Variants in WDFY3 observed in about 807,000 individuals in gnomAD.
WDFY3 encodes the protein WD repeat and FYVE domain-containing protein 3.
Under a neutral mutation model 409.6 loss-of-function variants are expected in WDFY3, and 66 were observed. That is an observed-to-expected ratio of 0.16 (90% CI 0.13 to 0.20). WDFY3 has a LOEUF of 0.20. WDFY3 is among the 10% of genes least tolerant of loss of function. The probability of loss-of-function intolerance (pLI) is 1.00; values close to 1 mark genes in which losing one functional copy is unlikely to be tolerated. For synonymous variants in WDFY3, 1,521 were observed against 1,537.1 expected, an observed-to-expected ratio of 0.99 and a Z score of 0.25; for missense variants, 3,031 against 4,298.1, an observed-to-expected ratio of 0.71 and a Z score of 8.24.
At chr4:84,952,270 G>A (rs1401653655) in intron 1 of WDFY3, among the ~76,000 whole-genome samples, 1 of 152,096 alleles carries the variant, frequency 6.6e-6, no homozygotes, top group African/African-American at 2.4e-5. Context: ...ATTTACTCTG[G>A]TGACTCAGAT....
chr4:84,816,755 G>A (rs1414142515), intron 13 of WDFY3, among the ~76,000 whole-genome samples: 1 of 152,042 alleles, frequency 6.6e-6, no homozygotes, highest in Non-Finnish European at 1.5e-5. Context: ...GGGAGAATGT[G>A]AGTGTATAAA....
At position 84,837,436 on chromosome 4, in the gene WDFY3, C is replaced by T. The variant is rs141209703; in HGVS notation, c.415-346G>A. On this transcript the variant is annotated intron_variant, in intron 6 of 67. Coordinates refer to ENST00000295888, the MANE Select transcript of WDFY3 (RefSeq NM_014991.6). ...ACTTAATTCTCCTGAGATTCACTTGCCTTTCTTATAAAAATAGATAGAATG... is the reference window on the plus strand; with the variant it reads ...ACTTAATTCTCCTGAGATTCACTTGTCTTTCTTATAAAAATAGATAGAATG... Among the ~76,000 whole-genome samples the T allele has an allele frequency of 4.7e-3, 722 of 152,178 alleles. 5 individuals are homozygous for T. Among genetic ancestry groups the T allele is most frequent in the African/African-American group, 0.016 (669 of 41,534 alleles).
chr4:84,724,440 A>G lies in WDFY3; in HGVS notation c.7427T>C (p.Ile2476Thr). 1 of 1,610,848 alleles carries G rather than the reference A, an allele frequency of 6.2e-7. No individual in the cohort carries two copies. Among genetic ancestry groups the G allele is most frequent in the Non-Finnish European group, 8.5e-7 (1 of 1,178,790 alleles). Residue 2476 changes from isoleucine to threonine, a missense_variant, in exon 46 of 68, where the codon ATT becomes ACT. By Grantham distance (89) the Ile-to-Thr change is moderately conservative. Transcript: ENST00000295888. ...GGCAGGCTGACCTTTGACTTTAGCA[A>G]TAGTGTCTTCCCCATGCTCTGGTTC... ...QQEPEHGEDTIAKVKGLVKPP... is the reference protein window; with the variant it reads ...QQEPEHGEDTTAKVKGLVKPP...
rs1238233765 is a variant in WDFY3, at chr4:84,778,746, CACAT to C, written c.4366-95_4366-92del. 7 of 1,252,798 alleles carry C rather than the reference CACAT, an allele frequency of 5.6e-6. No individual in the cohort carries two copies. In the East Asian group the frequency reaches 7.4e-5, roughly 13 times the overall value. The allele number at this position is 1,252,798 out of a possible 1,614,324, so 77.6% of individuals were successfully genotyped here. ...ACACACACATACACACACAAACACA[CACAT>C]ACACACACAAACACACACATACACA... is the stretch of plus-strand genomic sequence containing the variant. On this transcript the variant is annotated intron_variant, in intron 26 of 67. Transcript: ENST00000295888.
At chr4:84,692,181 G>A (rs972319659) in intron 59 of WDFY3, among the ~76,000 whole-genome samples, 1 of 152,166 alleles carries the variant, frequency 6.6e-6, no homozygotes, top group African/African-American at 2.4e-5. Context: ...CCTCAAGGAA[G>A]GTCATGTCAT....
chr4:84,796,554 A>G lies in WDFY3; in HGVS notation c.3134T>C (p.Phe1045Ser), dbSNP rs1749480801. The change falls in exon 19 of 68, where the codon TTT (phenylalanine) becomes TCT (serine). Residue 1045 changes from phenylalanine (F) to serine (S), a missense_variant. By Grantham distance (155) the Phe-to-Ser change is radical (BLOSUM62 -2). This residue lies in a region of WDFY3 where 1,322 missense variants were observed against 1,697.9 expected (regional missense o/e 0.78). Coordinates refer to ENST00000295888, the MANE Select transcript of WDFY3 (RefSeq NM_014991.6). ...TTCAAGTGATGTGTCAAATTCAACA[A>G]AAGCTGGAGTAACTGATGACCCATG... The part of the protein sequence containing the change: ...RLHGSSVTPA[F>S]VEFDTSLEGF... The G allele has an allele frequency of 2.5e-6, 4 of 1,602,364 alleles. No homozygotes were observed. Among genetic ancestry groups the G allele is most frequent in the Non-Finnish European group, 3.4e-6 (4 of 1,173,634 alleles).
chr4:84,859,678 C>A (rs893414310), intron 4 of WDFY3, among the ~76,000 whole-genome samples: 1 of 152,116 alleles, frequency 6.6e-6, no homozygotes, highest in Non-Finnish European at 1.5e-5. Flanking sequence ...CGGGTTCAAG[C>A]GATTCTCCTG....
At chr4:84,911,645 T>C (rs1767809717) in intron 2 of WDFY3, among the ~76,000 whole-genome samples, 1 of 152,160 alleles carries the variant, frequency 6.6e-6, no homozygotes, top group Non-Finnish European at 1.5e-5. Context: ...TTTGGAGATT[T>C]GTGACAATTT....
chr4:84,917,140 C>T (rs1768611314), intron 2 of WDFY3, among the ~76,000 whole-genome samples: 1 of 152,060 alleles, frequency 6.6e-6, no homozygotes, highest in South Asian at 2.1e-4. Flanking sequence ...GGCGCCAAGC[C>T]CTCTGAATTA....
intron 3 of WDFY3, among the ~76,000 whole-genome samples, chr4:84,862,815 G>A (rs532267274): frequency 2.6e-5 from 4 of 152,028 alleles, no homozygotes; most frequent in African/African-American, 7.2e-5. Flanking sequence ...GTGAAACCCC[G>A]TCTCTACTAA....
At chr4:84,704,563 T>A in intron 54 of WDFY3, 119 bp from the exon 55 acceptor site, 3 of 687,888 alleles carry the variant, frequency 4.4e-6, no homozygotes, top group Non-Finnish European at 7.0e-6. Context: ...TAAATGCAAT[T>A]AGTACTGGCA....
intron 33 of WDFY3, among the ~76,000 whole-genome samples, chr4:84,756,041 T>C (rs1471318983): frequency 6.6e-6 from 1 of 152,188 alleles, no homozygotes; most frequent in Non-Finnish European, 1.5e-5. Flanking sequence ...AGGATGGAAG[T>C]GTAGTTGAGT....
intron 15 of WDFY3, among the ~76,000 whole-genome samples, chr4:84,807,029 G>C (rs1751634104): frequency 6.6e-6 from 1 of 152,086 alleles, no homozygotes; most frequent in South Asian, 2.1e-4. Flanking sequence ...ACTCATTTAT[G>C]ATATAATCAC....
In WDFY3 at chr4:84,821,238, G is replaced by T. The variant is rs1276039775; in HGVS notation, c.1437C>A (p.Ser479Arg). The T allele has an allele frequency of 6.2e-7, 1 of 1,613,672 alleles. No individual in the cohort carries two copies. The highest frequency in any genetic ancestry group is 1.7e-5 in the Admixed American group (1 of 59,876). The change falls in exon 11 of 68, where the codon AGC becomes AGA. Residue 479 changes from serine (S) to arginine (R), a missense_variant. Physicochemically the swap from Ser to Arg is moderately radical, Grantham distance 110. This residue lies in a region of WDFY3 where 1,322 missense variants were observed against 1,697.9 expected (regional missense o/e 0.78). Transcript: ENST00000295888. ...LLKSSSSYHC[S>R]IIAMKTLLKF... ...TAAGAAGTGTTTTCATTGCAATAAT[G>T]CTACAGTGATAAGAAGAGCTAGATT...
chr4:84,836,718 T>G (rs904684806), intron 7 of WDFY3, among the ~76,000 whole-genome samples: 1 of 152,192 alleles, frequency 6.6e-6, no homozygotes, highest in Admixed American at 6.6e-5. Flanking sequence ...GAAACAAACT[T>G]GCTAATGCCT....
In WDFY3 at chr4:84,682,413, C is replaced by G. The variant is rs143301901; in HGVS notation, c.9784G>C (p.Val3262Leu). Residue 3262 changes from valine (V) to leucine (L), a missense_variant, in exon 64 of 68, where the codon GTC becomes CTC. By Grantham distance (32) the Val-to-Leu change is conservative. This residue lies in a region of WDFY3 where 378 missense variants were observed against 477.3 expected (regional missense o/e 0.79). Coordinates refer to ENST00000295888, the MANE Select transcript of WDFY3 (RefSeq NM_014991.6). ...PETPAPEPAE[V>L]LEMQEDCPEA... ...GGACAGTCTTCCTGCATTTCTAGGA[C>G]TTCAGCAGGCTCAGGAGCTGGTGTT... 3 of 1,613,846 alleles carry G rather than the reference C, an allele frequency of 1.9e-6. No individual in the cohort carries two copies. The African/African-American group carries it at 4.0e-5, about 22-fold the overall frequency.
intron 36 of WDFY3, among the ~76,000 whole-genome samples, chr4:84,744,175 A>C (rs2149249074): frequency 6.7e-6 from 1 of 149,814 alleles, no homozygotes; most frequent in African/African-American, 2.4e-5. Context: ...AACAATATAA[A>C]CTACAATAAT....
chr4:84,858,114 G>A (rs945548140), intron 4 of WDFY3, among the ~76,000 whole-genome samples: 1 of 151,704 alleles, frequency 6.6e-6, no homozygotes, highest in African/African-American at 2.4e-5. Context: ...ATAAATTCAC[G>A]TAACAAAAAC....
chr4:84,819,939 G>T, intron 12 of WDFY3, 146 bp downstream of exon 12: 2 of 622,086 alleles, frequency 3.2e-6, no homozygotes, highest in Non-Finnish European at 5.3e-6. Flanking sequence ...CAAAAGCACT[G>T]CATTTTTAGG....
Sources: gnomAD v4.1 joint callset for allele counts (sites outside exome capture counted in the v4.1 genomes callset) on GRCh38, gnomAD v4.1.1 for gene constraint, gnomAD v4.1.1 regional missense constraint, MANE v1.5 for transcripts, NCBI Gene and HGNC (gene_info 2026-07-23, HGNC 2026-07-21) for gene names.